The following ADGRL2 variants were observed in gnomAD, a reference collection of about 807,000 sequenced individuals.
The protein encoded by ADGRL2 is calcium-independent alpha-latrotoxin receptor 2.
ADGRL2 carries 44 observed loss-of-function variants against 157.4 expected under a neutral mutation model. That is an observed-to-expected ratio of 0.28 (90% CI 0.22 to 0.36). The LOEUF is 0.36. Ranked by LOEUF, ADGRL2 falls within the 10% of genes least tolerant of loss-of-function variation. The pLI, the probability that ADGRL2 is intolerant of heterozygous loss-of-function variation, is 1.00. For missense variants in ADGRL2, 1,510 were observed against 1,768.9 expected, an observed-to-expected ratio of 0.85 and a Z score of 2.63; for synonymous variants, 585 against 624.7, an observed-to-expected ratio of 0.94 and a Z score of 0.95.
chr1:81,671,961 TTTAATAGTG>T (rs1211020095), intron 3 of ADGRL2, among the ~76,000 whole-genome samples: 1 of 152,244 alleles, frequency 6.6e-6, no homozygotes. Context: ...GAAAGGGAAT[TTTAATAGTG>T]TGTGTAAAAA....
At chr1:81,877,280 G>A (rs771026243) in intron 2 of ADGRL2, among the ~76,000 whole-genome samples, 28 of 152,064 alleles carry the variant, frequency 1.8e-4, no homozygotes, top group Non-Finnish European at 4.4e-5. Context: ...ATAATCTAGA[G>A]CTAGTCTGAA....
chr1:81,750,841 G>A (rs1266865996), intron 1 of ADGRL2, among the ~76,000 whole-genome samples: 1 of 152,198 alleles, frequency 6.6e-6, no homozygotes, highest in Admixed American at 6.5e-5. Flanking sequence ...AAATATCAAT[G>A]TAATATGTGG....
At chr1:81,729,983 T>C (rs2084665409) in intron 1 of ADGRL2, among the ~76,000 whole-genome samples, 2 of 152,204 alleles carry the variant, frequency 1.3e-5, no homozygotes, top group Admixed American at 1.3e-4. Context: ...AGTTTCACCA[T>C]GGTTCAGACC....
intron 2 of ADGRL2, among the ~76,000 whole-genome samples, chr1:81,475,423 C>T (rs375064192): frequency 3.3e-5 from 5 of 152,214 alleles, no homozygotes; most frequent in African/African-American, 1.2e-4. Context: ...ATCTACTAGC[C>T]TTTAGGTGAC....
intron 2 of ADGRL2, among the ~76,000 whole-genome samples, chr1:81,774,956 C>T (rs957411215): frequency 1.8e-4 from 27 of 152,094 alleles, no homozygotes; most frequent in African/African-American, 5.8e-4. Context: ...GGTTTCAGCA[C>T]TAGGATGTCC....
intron 2 of ADGRL2, among the ~76,000 whole-genome samples, chr1:81,539,927 T>G (rs1222926900): frequency 6.6e-6 from 1 of 152,124 alleles, no homozygotes; most frequent in African/African-American, 2.4e-5. Context: ...TTTGAGATTC[T>G]AAAACTAAAG....
chr1:81,930,047 A>C (rs1023709959), intron 3 of ADGRL2, among the ~76,000 whole-genome samples: 1 of 152,208 alleles, frequency 6.6e-6, no homozygotes, highest in Non-Finnish European at 1.5e-5. Flanking sequence ...CTGATTCTAC[A>C]GCTTCTGCTT....
intron 2 of ADGRL2, among the ~76,000 whole-genome samples, chr1:81,552,969 T>C (rs575187359): frequency 6.6e-6 from 1 of 152,316 alleles, no homozygotes; most frequent in African/African-American, 2.4e-5. Context: ...TTCAATTGTT[T>C]CTTGAGAAAC....
At chr1:81,520,707 A>G (rs537035762) in intron 2 of ADGRL2, among the ~76,000 whole-genome samples, 3 of 152,258 alleles carry the variant, frequency 2.0e-5, no homozygotes, top group East Asian at 1.9e-4. Flanking sequence ...GGCCTCCCCA[A>G]CCATGCAGAA....
At chr1:81,319,779 T>C (rs778215921) in intron 1 of ADGRL2, among the ~76,000 whole-genome samples, 1 of 152,214 alleles carries the variant, frequency 6.6e-6, no homozygotes, top group Non-Finnish European at 1.5e-5. Flanking sequence ...AGGTCAGTCA[T>C]CTGAGCTTTC....
intron 2 of ADGRL2, among the ~76,000 whole-genome samples, chr1:81,541,901 T>A (rs1048922061): frequency 2.0e-5 from 3 of 151,826 alleles, no homozygotes; most frequent in African/African-American, 4.8e-5. Flanking sequence ...GAGTTTGCGG[T>A]GAGCCGAGAT....
chr1:81,811,847 T>G (rs2089902407), intron 1 of ADGRL2, among the ~76,000 whole-genome samples: 1 of 151,608 alleles, frequency 6.6e-6, no homozygotes, highest in African/African-American at 2.4e-5. Flanking sequence ...GTTCAGAAAA[T>G]GAATCAGATA....
intron 1 of ADGRL2, among the ~76,000 whole-genome samples, chr1:81,417,086 CTTTACT>C (rs2077045763): frequency 3.3e-5 from 5 of 152,202 alleles, no homozygotes; most frequent in African/African-American, 1.2e-4. Context: ...AAGCATCTTC[CTTTACT>C]TTATTATTTT....
intron 1 of ADGRL2, among the ~76,000 whole-genome samples, chr1:81,327,060 GT>G (rs1169630537): frequency 2.6e-5 from 4 of 152,116 alleles, no homozygotes; most frequent in African/African-American, 4.8e-5. Context: ...GAAATGAGTT[GT>G]TTTTTAAAGA....
chr1:81,771,839 A>T (rs1192442271), intron 2 of ADGRL2, among the ~76,000 whole-genome samples: 1 of 152,272 alleles, frequency 6.6e-6, no homozygotes, highest in Non-Finnish European at 1.5e-5. Flanking sequence ...ATGAAAAAAG[A>T]TTAAATGCAG....
chr1:81,608,271 G>A (rs1027931921), intron 3 of ADGRL2, among the ~76,000 whole-genome samples: 3 of 152,240 alleles, frequency 2.0e-5, no homozygotes, highest in African/African-American at 7.2e-5. Flanking sequence ...CCTGAGAGCT[G>A]TTGCCCTGAC....
intron 2 of ADGRL2, chr1:81,502,757 G>C: frequency 6.2e-7 from 1 of 1,613,604 alleles, no homozygotes; most frequent in East Asian, 2.2e-5. Flanking sequence ...GGCAACCGCA[G>C]GGAGAGCCGG....
intron 6 of ADGRL2, among the ~76,000 whole-genome samples, chr1:81,947,399 TAG>T (rs1401264542): frequency 2.0e-5 from 3 of 152,216 alleles, no homozygotes; most frequent in Admixed American, 6.5e-5. Flanking sequence ...CGTATTTTTC[TAG>T]AGTCTATGAA....
chr1:81,615,322 C>T (rs1017746813), intron 3 of ADGRL2, among the ~76,000 whole-genome samples: 8 of 152,334 alleles, frequency 5.3e-5, no homozygotes, highest in Non-Finnish European at 1.2e-4. Context: ...AAGCAGGCCA[C>T]CCGAGCCAGC....
Sources: gnomAD v4.1 joint callset for allele counts (sites outside exome capture counted in the v4.1 genomes callset) on GRCh38, gnomAD v4.1.1 for gene constraint, MANE v1.5 for transcripts, NCBI Gene and HGNC (gene_info 2026-07-23, HGNC 2026-07-21) for gene names.